Variants in SP110 observed in about 807,000 individuals in gnomAD.
SP110 encodes interferon-induced protein 41, 30kD.
A neutral mutation model predicts 92.7 loss-of-function variants in SP110; 62 were observed. That is an observed-to-expected ratio of 0.67 (90% CI 0.55 to 0.83). The LOEUF (loss-of-function observed/expected upper bound fraction) is 0.83, where lower values mean the gene tolerates loss of function less well. Among genes scored for constraint, SP110 ranks in the 40% least tolerant of loss-of-function variants. The pLI, the probability that SP110 is intolerant of heterozygous loss-of-function variation, is 0.00. For missense variants in SP110, 793 were observed against 863.9 expected (o/e 0.92, Z 1.03); for synonymous variants, 273 against 305.3 (o/e 0.89, Z 1.10).
intron 10 of SP110, among the ~76,000 whole-genome samples, chr2:230,199,311 C>T (rs1373429057): frequency 2.9e-5 from 4 of 140,074 alleles, no homozygotes; most frequent in Admixed American, 2.2e-4. Context: ...TGGGTTCAAG[C>T]GATTCTCCTT....
upstream of SP110, among the ~76,000 whole-genome samples, chr2:230,224,325 G>T (rs1000078540): frequency 6.6e-6 from 1 of 152,058 alleles, no homozygotes; most frequent in Non-Finnish European, 1.5e-5. Flanking sequence ...TGGAGCAGGC[G>T]GTATAGTCTG....
intron 12 of SP110, among the ~76,000 whole-genome samples, chr2:230,182,276 GGGA>G (rs1194355400): frequency 1.3e-5 from 2 of 152,146 alleles, no homozygotes; most frequent in African/African-American, 2.4e-5. Flanking sequence ...CATGGACACA[GGGA>G]GGAGAACAGC....
chr2:230,212,487 G>T, intron 4 of SP110, 57 bp from the exon 5 acceptor site: 1 of 1,384,868 alleles, frequency 7.2e-7, no homozygotes, highest in Non-Finnish European at 1.0e-6. Flanking sequence ...AGGGAGAAGA[G>T]TGAATGTTAA....
At chr2:230,205,769 C>A (rs1438624922) in intron 8 of SP110, among the ~76,000 whole-genome samples, 1 of 152,150 alleles carries the variant, frequency 6.6e-6, no homozygotes, top group Non-Finnish European at 1.5e-5. Flanking sequence ...GACTTGCAAA[C>A]AAAGACGCCC....
Position 230,213,029 on chromosome 2 carries a change from T to C in SP110, c.317-2A>G. The stretch of plus-strand genomic sequence containing the variant: ...TCTGCCATTCATAGGAAGCACCAAC[T>C]GGGATTGGTGAAGGGACACACATCA... On this transcript the variant is annotated splice_acceptor_variant, in intron 3 of 18. Coordinates refer to ENST00000258381, the MANE Select transcript of SP110 (RefSeq NM_080424.4). LOFTEE classifies it high-confidence loss of function. 6.2e-7 allele frequency: 1 copy of C among 1,613,804 alleles called. No homozygotes were observed. Among genetic ancestry groups the C allele is most frequent in the Non-Finnish European group, 8.5e-7 (1 of 1,179,884 alleles).
chr2:230,221,912 G>A, upstream of SP110: 1 of 622,404 alleles, frequency 1.6e-6, no homozygotes. Flanking sequence ...GAATGAGGAT[G>A]AAAGATGTTT....
At chr2:230,220,468 T>C (rs1332590222), upstream of SP110, among the ~76,000 whole-genome samples, 1 of 152,146 alleles carries the variant, frequency 6.6e-6, no homozygotes, top group Non-Finnish European at 1.5e-5. Context: ...GATAAGATTA[T>C]TACAGGAAGA....
intron 14 of SP110, chr2:230,176,447 T>C: frequency 7.0e-7 from 1 of 1,422,276 alleles, no homozygotes; most frequent in East Asian, 2.6e-5. Flanking sequence ...AATATCCAGA[T>C]CTTTTTCTAA....
At chr2:230,170,551 A>G in intron 18 of SP110, 70 bp downstream of exon 18, 1 of 1,587,954 alleles carries the variant, frequency 6.3e-7, no homozygotes, top group Non-Finnish European at 8.6e-7. Flanking sequence ...AATACTTGCA[A>G]AATTCTGCTG....
At position 230,212,862 on chromosome 2, in the gene SP110, G is replaced by A; in HGVS notation, c.482C>T (p.Thr161Ile). The A allele has an allele frequency of 6.2e-7, 1 of 1,614,132 alleles. No homozygotes were observed. ...PCAPRVSEPGTSSQQSDEILS... is the reference protein window; with the variant it reads ...PCAPRVSEPGISSQQSDEILS... The stretch of plus-strand genomic sequence containing the variant: ...GATCTCATCGCTTTGCTGGGAGGAT[G>A]TTCCAGGCTCACTGACTCTTGGCGC... The change falls in exon 4 of 19, where the codon ACA becomes ATA. Residue 161 changes from threonine to isoleucine, a missense_variant. By Grantham distance (89) the Thr-to-Ile change is moderately conservative. Transcript: ENST00000258381.
chr2:230,187,289 T>C (rs1350639274), intron 10 of SP110, among the ~76,000 whole-genome samples: 2 of 152,200 alleles, frequency 1.3e-5, no homozygotes, highest in Non-Finnish European at 2.9e-5. Flanking sequence ...TTCTTGGCCA[T>C]TTGAATATCT....
intron 8 of SP110, among the ~76,000 whole-genome samples, chr2:230,204,109 A>T (rs772171746): frequency 6.6e-6 from 1 of 152,332 alleles, no homozygotes; most frequent in African/African-American, 2.4e-5. Context: ...AACCTGAAAA[A>T]TTTCATTTAA....
rs1350014051 is a variant in SP110, at chr2:230,169,104, T to TTA, written c.*19_*20insTA. On this transcript the variant is annotated 3_prime_UTR_variant, in exon 19 of 19. Transcript: ENST00000258381. ...AGCTGAATCCTGAGGTGGGGATGCT[T>TTA]CAGTCTTTACAGAACAGGGTCAAGG... 1 of 1,496,204 alleles carries TTA rather than the reference T, an allele frequency of 6.7e-7. No individual in the cohort carries two copies. Among genetic ancestry groups the TTA allele is most frequent in the South Asian group, 1.1e-5 (1 of 88,640 alleles). The allele number at this position is 1,496,204 out of a possible 1,614,324, so 92.7% of individuals were successfully genotyped here. A position where few individuals can be genotyped will look rare whatever the true frequency, so the allele number is the denominator to read the frequency against.
At position 230,211,512 on chromosome 2, in the gene SP110, C is replaced by G. The variant is rs1201536375; in HGVS notation, c.709G>C (p.Asp237His). The G allele has an allele frequency of 1.2e-6, 2 of 1,612,332 alleles. No individual in the cohort carries two copies. Among genetic ancestry groups the G allele is most frequent in the Non-Finnish European group, 1.7e-6 (2 of 1,178,370 alleles). ...NLIPQIRDKE[D>H]PQEMPHSPLG... ...GGAGAGTGGGGCATCTCTTGAGGGTCTTCTTTATCTCTTATTTGGGGGATC... is the reference window on the plus strand; with the variant it reads ...GGAGAGTGGGGCATCTCTTGAGGGTGTTCTTTATCTCTTATTTGGGGGATC... The change falls in exon 6 of 19, where the codon GAC (aspartate) becomes CAC (histidine). Residue 237 changes from aspartate (D) to histidine (H), a missense_variant. Transcript: ENST00000258381. This position sits in a 1 kb window ranked among gnomAD's most constrained non-coding sequence, Gnocchi z 4.2.
upstream of SP110, among the ~76,000 whole-genome samples, chr2:230,222,225 G>A (rs1045973823): frequency 2.1e-4 from 27 of 129,218 alleles, no homozygotes; most frequent in Admixed American, 3.3e-4. Flanking sequence ...GTGAGATCCC[G>A]CCTCAAAAAA....
chr2:230,196,345 G>C (rs912632121), intron 10 of SP110, among the ~76,000 whole-genome samples: 3 of 152,034 alleles, frequency 2.0e-5, no homozygotes, highest in Non-Finnish European at 4.4e-5. Flanking sequence ...TGAATCATAC[G>C]TAACGTGCCA....
intron 8 of SP110, among the ~76,000 whole-genome samples, chr2:230,204,624 A>T (rs1297270324): frequency 6.6e-6 from 1 of 152,138 alleles, no homozygotes; most frequent in East Asian, 1.9e-4. Flanking sequence ...TCATTAAAAA[A>T]AAATTAATAG....
At chr2:230,184,450 A>C (rs1302010027) in intron 11 of SP110, among the ~76,000 whole-genome samples, 1 of 152,196 alleles carries the variant, frequency 6.6e-6, no homozygotes, top group African/African-American at 2.4e-5. Context: ...TAATGGGTAG[A>C]GGCCAGAGAT....
upstream of SP110, among the ~76,000 whole-genome samples, chr2:230,222,170 C>T (rs532245688): frequency 6.7e-6 from 1 of 148,422 alleles, no homozygotes; most frequent in East Asian, 2.0e-4. Context: ...CTGGAGGTTG[C>T]AGTGAGCTGA....
Sources: gnomAD v4.1 joint callset for allele counts (sites outside exome capture counted in the v4.1 genomes callset) on GRCh38, gnomAD v4.1.1 for gene constraint, Gnocchi (gnomAD v3.1) non-coding constraint, MANE v1.5 for transcripts, NCBI Gene and HGNC (gene_info 2026-07-23, HGNC 2026-07-21) for gene names.